STPG2: variants seen among roughly 807,000 people sequenced by gnomAD.
The protein encoded by STPG2 is sperm tail PG-rich repeat containing 2.
STPG2 carries 56 observed loss-of-function variants against 54.2 expected under a neutral mutation model. The ratio of observed to expected loss-of-function variants is 1.03; its 90% CI spans 0.83 to 1.29. The LOEUF (loss-of-function observed/expected upper bound fraction) is 1.29. Ranked by LOEUF, STPG2 falls within the 50% of genes most tolerant of loss-of-function variation. STPG2 has a pLI of 0.00. For missense variants in STPG2, 596 were observed against 544.9 expected, an observed-to-expected ratio of 1.09 and a Z score of -0.93; for synonymous variants, 200 against 181.8, an observed-to-expected ratio of 1.10 and a Z score of -0.81.
chr4:97,639,058 C>A (rs978637422), intron 10 of STPG2, among the ~76,000 whole-genome samples: 1 of 151,920 alleles, frequency 6.6e-6, no homozygotes, highest in Non-Finnish European at 1.5e-5. Flanking sequence ...ATGTTTATTG[C>A]GGCATTATTC....
intron 9 of STPG2, among the ~76,000 whole-genome samples, chr4:97,836,786 ATATT>A (rs1366586944): frequency 6.6e-6 from 1 of 151,202 alleles, no homozygotes; most frequent in Non-Finnish European, 1.5e-5. Context: ...ATAAACAAGA[ATATT>A]TACTGTATCA....
chr4:97,815,245 T>C (rs1727872024), intron 9 of STPG2, among the ~76,000 whole-genome samples: 1 of 152,154 alleles, frequency 6.6e-6, no homozygotes, highest in African/African-American at 2.4e-5. Flanking sequence ...TGTGTGTGCA[T>C]GCGTGTGCAC....
chr4:97,770,110 C>T (rs1353218123), intron 9 of STPG2, among the ~76,000 whole-genome samples: 1 of 152,112 alleles, frequency 6.6e-6, no homozygotes, highest in Non-Finnish European at 1.5e-5. Flanking sequence ...ACTCAGGAGG[C>T]TGAGGCAGGA....
intron 10 of STPG2, among the ~76,000 whole-genome samples, chr4:97,651,220 G>A (rs1314527974): frequency 6.6e-6 from 1 of 151,796 alleles, no homozygotes; most frequent in Non-Finnish European, 1.5e-5. Context: ...TTTCCTGTTA[G>A]ACCAGTATAA....
chr4:97,560,205 A>T (rs534241119), intron 10 of STPG2, among the ~76,000 whole-genome samples: 1 of 152,268 alleles, frequency 6.6e-6, no homozygotes, highest in African/African-American at 2.4e-5. Context: ...AACATTTTGG[A>T]GTTATGACAT....
chr4:97,553,054 G>A (rs1173876366), intron 4 of STPG2, among the ~76,000 whole-genome samples: 4 of 152,108 alleles, frequency 2.6e-5, no homozygotes, highest in African/African-American at 9.7e-5. Context: ...ACCCATTATA[G>A]AAGGAGATGG....
chr4:97,548,484 A>C (rs773896946), intron 4 of STPG2, among the ~76,000 whole-genome samples: 3 of 152,186 alleles, frequency 2.0e-5, no homozygotes, highest in Non-Finnish European at 4.4e-5. Flanking sequence ...CCTTGTTCAC[A>C]ACTACATTCC....
chr4:97,944,142 A>C, intron 7 of STPG2, 135 bp from the exon 8 acceptor site: 1 of 590,520 alleles, frequency 1.7e-6, no homozygotes, highest in Non-Finnish European at 2.9e-6. Context: ...ATAAACAAAT[A>C]AAATTTTCAA....
intron 5 of STPG2, among the ~76,000 whole-genome samples, chr4:98,049,805 G>C (rs568863336): frequency 6.6e-6 from 1 of 152,194 alleles, no homozygotes; most frequent in South Asian, 2.1e-4. Flanking sequence ...CAAAGAGAGA[G>C]AAAACAAACA....
intron 4 of STPG2, among the ~76,000 whole-genome samples, chr4:97,496,323 C>T (rs1159547077): frequency 6.6e-6 from 1 of 151,604 alleles, no homozygotes; most frequent in East Asian, 1.9e-4. Context: ...ACAGAATGTC[C>T]TTTGTATCCC....
At chr4:97,627,216 G>A (rs910249621) in intron 10 of STPG2, among the ~76,000 whole-genome samples, 13 of 152,142 alleles carry the variant, frequency 8.5e-5, no homozygotes, top group Non-Finnish European at 1.5e-4. Context: ...TGAAGAGTCC[G>A]TATTTGGAGA....
At chr4:97,826,225 T>A (rs1728254794) in intron 9 of STPG2, among the ~76,000 whole-genome samples, 1 of 152,156 alleles carries the variant, frequency 6.6e-6, no homozygotes, top group African/African-American at 2.4e-5. Flanking sequence ...AAGAAAACAG[T>A]TCTACATGCA....
At chr4:97,442,943 G>A (rs1578301367) in intron 4 of STPG2, among the ~76,000 whole-genome samples, 1 of 152,052 alleles carries the variant, frequency 6.6e-6, no homozygotes, top group Non-Finnish European at 1.5e-5. Context: ...ACTATTCATT[G>A]AAGGTATAGG....
Position 97,695,141 on chromosome 4 carries a change from C to T in STPG2, c.1320+17558G>A, listed in dbSNP as rs182484023. 2.0e-5 allele frequency among the ~76,000 whole-genome samples: 3 copies of T among 149,752 alleles called. No homozygotes were observed. The East Asian group carries it at 5.8e-4, about 29-fold the overall frequency. The stretch of plus-strand genomic sequence containing the variant: ...CCCAAAAGCATATAAAAAAGATAAT[C>T]CACCGTGATCAAGTGGGTTTCATAT... On this transcript the variant is annotated intron_variant, in intron 10 of 10. Transcript: ENST00000295268.
intron 8 of STPG2, among the ~76,000 whole-genome samples, chr4:97,900,448 T>C (rs1425074245): frequency 6.6e-6 from 1 of 152,022 alleles, no homozygotes; most frequent in Non-Finnish European, 1.5e-5. Flanking sequence ...TAGAAATCAT[T>C]CTACCATAAA....
At chr4:97,870,024 T>G (rs1454833843) in intron 8 of STPG2, among the ~76,000 whole-genome samples, 7 of 151,592 alleles carry the variant, frequency 4.6e-5, no homozygotes, top group African/African-American at 1.5e-4. Flanking sequence ...AGCACACAAT[T>G]ATTTCTCCTT....
chr4:98,106,897 C>CA (rs911096479), intron 4 of STPG2, among the ~76,000 whole-genome samples: 4 of 151,480 alleles, frequency 2.6e-5, no homozygotes, highest in Admixed American at 6.6e-5. Flanking sequence ...AAGATAATTT[C>CA]AAAAAAAATC....
intron 10 of STPG2, among the ~76,000 whole-genome samples, chr4:97,666,413 C>CA (rs1560709925): frequency 6.6e-6 from 1 of 152,086 alleles, no homozygotes; most frequent in Non-Finnish European, 1.5e-5. Flanking sequence ...AGATTCAGGA[C>CA]AAAAAACAGA....
intron 9 of STPG2, among the ~76,000 whole-genome samples, chr4:97,835,931 T>C (rs919954972): frequency 6.6e-6 from 1 of 151,990 alleles, no homozygotes; most frequent in African/African-American, 2.4e-5. Context: ...ATGTCTGAAT[T>C]GCTAAAATTT....
Sources: allele counts gnomAD v4.1 joint callset (sites outside exome capture counted in the v4.1 genomes callset), GRCh38; gene constraint gnomAD v4.1.1; transcripts MANE v1.5; gene names NCBI Gene and HGNC (gene_info 2026-07-23, HGNC 2026-07-21).